Variants in METTL8 observed in about 807,000 individuals in gnomAD.
The protein encoded by METTL8 is methyltransferase 8, tRNA N3-cytidine.
In METTL8, 32 loss-of-function variants were observed where a neutral mutation model predicts 48.7. That is an observed-to-expected ratio of 0.66 (90% CI 0.50 to 0.88). The LOEUF (loss-of-function observed/expected upper bound fraction) is 0.88. METTL8 is among the 40% of genes least tolerant of loss of function. The pLI is 0.00. For missense variants in METTL8, 464 were observed against 474.4 expected (o/e 0.98, Z 0.20); for synonymous variants, 136 against 157.1 (o/e 0.87, Z 1.01).
intron 2 of METTL8, among the ~76,000 whole-genome samples, chr2:171,375,911 G>A (rs1040992124): frequency 6.6e-6 from 1 of 152,116 alleles, no homozygotes; most frequent in Non-Finnish European, 1.5e-5. Flanking sequence ...TTATTTTGCA[G>A]GTAAATTCTC....
intron 3 of METTL8, among the ~76,000 whole-genome samples, chr2:171,341,319 C>A (rs1329864665): frequency 6.9e-6 from 1 of 145,800 alleles, no homozygotes; most frequent in Non-Finnish European, 1.5e-5. Flanking sequence ...TAGAGCAAGA[C>A]TCCGTCTCAA....
At position 171,412,517 on chromosome 2, in the gene METTL8, C is replaced by G. The variant is rs562922652; in HGVS notation, c.-12-20320G>C. On this transcript the variant is annotated intron_variant, in intron 1 of 9. Coordinates refer to ENST00000375258, the MANE Select transcript of METTL8 (RefSeq NM_001321154.2). ...CACGAATTCCTGGGGAACCCTACCC[C>G]CCTTTAGGCAGTCTTCAAAAGGCTA... Among the ~76,000 whole-genome samples, 11 of 152,208 alleles carry G rather than the reference C, an allele frequency of 7.2e-5. No homozygotes were observed. In the East Asian group the frequency reaches 1.9e-3, roughly 27 times the overall value.
chr2:171,426,926 C>T (rs1692478353), intron 1 of METTL8, among the ~76,000 whole-genome samples: 1 of 152,190 alleles, frequency 6.6e-6, no homozygotes, highest in Admixed American at 6.5e-5. Flanking sequence ...TGGTCTGACC[C>T]CTACCTACTT....
At chr2:171,422,418 AC>A (rs1691966508) in intron 1 of METTL8, among the ~76,000 whole-genome samples, 1 of 152,232 alleles carries the variant, frequency 6.6e-6, no homozygotes, top group Admixed American at 6.5e-5. Context: ...TATCTTTATG[AC>A]CTCAAGTTAA....
chr2:171,342,833 T>C (rs1686910648), intron 3 of METTL8, among the ~76,000 whole-genome samples: 1 of 152,116 alleles, frequency 6.6e-6, no homozygotes, highest in Non-Finnish European at 1.5e-5. Flanking sequence ...AATATTCCTC[T>C]AGGAATTAAG....
chr2:171,415,252 T>C (rs1358559593), intron 1 of METTL8, among the ~76,000 whole-genome samples: 2 of 151,942 alleles, frequency 1.3e-5, no homozygotes, highest in African/African-American at 2.4e-5. Context: ...GAAACATGCA[T>C]ATGCATAGGG....
intron 1 of METTL8, among the ~76,000 whole-genome samples, chr2:171,394,230 C>T (rs766405177): frequency 2.0e-5 from 3 of 152,102 alleles, no homozygotes; most frequent in Non-Finnish European, 2.9e-5. Flanking sequence ...CTTTTGTATG[C>T]TGAAGAGTAG....
intron 3 of METTL8, among the ~76,000 whole-genome samples, chr2:171,348,913 T>G (rs1202877239): frequency 1.3e-5 from 2 of 152,152 alleles, no homozygotes; most frequent in East Asian, 3.8e-4. Context: ...TTGGGTAAAG[T>G]GTCTGTGGGT....
chr2:171,320,553 G>A lies in METTL8; in HGVS notation c.*3619C>T, dbSNP rs1464935132. On this transcript the variant is annotated 3_prime_UTR_variant, in exon 10 of 10. Coordinates refer to ENST00000375258, the MANE Select transcript of METTL8 (RefSeq NM_001321154.2). The stretch of plus-strand genomic sequence containing the variant: ...CCACCTTGGGCCATGATTTTTAAAC[G>A]GAGACACAAGGAGATCTGCTGGGGT... The A allele has an allele frequency of 1.3e-5, 2 of 152,128 alleles. No individual in the cohort carries two copies. Among genetic ancestry groups the A allele is most frequent in the South Asian group, 4.1e-4 (2 of 4,828 alleles). 9.4% of individuals were successfully genotyped at this position (152,128 alleles called of 1,614,324 possible).
chr2:171,330,923 TCTTTAA>T (rs1201574399), intron 6 of METTL8, among the ~76,000 whole-genome samples: 2 of 152,122 alleles, frequency 1.3e-5, no homozygotes, highest in African/African-American at 2.4e-5. Flanking sequence ...TCGCAATCCC[TCTTTAA>T]CTTTAAAAGT....
chr2:171,354,307 A>G (rs887956125), intron 3 of METTL8, among the ~76,000 whole-genome samples: 9 of 152,204 alleles, frequency 5.9e-5, no homozygotes, highest in Admixed American at 6.5e-5. Flanking sequence ...TCTGACTTGT[A>G]GAGTTTCTGC....
In METTL8 at chr2:171,429,473, A is replaced by T. The variant is rs567814828; in HGVS notation, c.-13+4410T>A. On this transcript the variant is annotated intron_variant, in intron 1 of 9. Coordinates refer to ENST00000375258, the MANE Select transcript of METTL8 (RefSeq NM_001321154.2). ...GGAAGGTACGCCACAGAGGACATTC[A>T]TGATTAGAGCTTTTTAGGTCCAACT... is the stretch of plus-strand genomic sequence containing the variant. Among the ~76,000 whole-genome samples, 4 of 152,368 alleles carry T rather than the reference A, an allele frequency of 2.6e-5. No homozygotes were observed. The East Asian group carries it at 7.7e-4, about 29-fold the overall frequency.
intron 1 of METTL8, among the ~76,000 whole-genome samples, chr2:171,429,644 A>G (rs975172133): frequency 1.3e-5 from 2 of 152,272 alleles, no homozygotes; most frequent in Non-Finnish European, 2.9e-5. Flanking sequence ...GAAAGAGACA[A>G]GATGAGGAGT....
Position 171,415,154 on chromosome 2 carries a change from A to G in METTL8, c.-13+18729T>C, listed in dbSNP as rs185029526. Among the ~76,000 whole-genome samples the G allele has an allele frequency of 1.4e-4, 21 of 152,156 alleles. No individual in the cohort carries two copies. In the East Asian group the frequency reaches 4.1e-3, roughly 29 times the overall value. ...ACTAACATGGTATGAAAAGATGTCCATGATTTATTAGGTAGAAAAAAAAAG... is the reference window on the plus strand; with the variant it reads ...ACTAACATGGTATGAAAAGATGTCCGTGATTTATTAGGTAGAAAAAAAAAG... On this transcript the variant is annotated intron_variant, in intron 1 of 9. Transcript: ENST00000375258.
chr2:171,410,080 A>C (rs768487708), intron 1 of METTL8, among the ~76,000 whole-genome samples: 2 of 152,228 alleles, frequency 1.3e-5, no homozygotes, highest in Non-Finnish European at 2.9e-5. Flanking sequence ...AGAATAATTG[A>C]GAATATTAAT....
At chr2:171,403,852 T>A (rs1689880805) in intron 1 of METTL8, among the ~76,000 whole-genome samples, 1 of 151,272 alleles carries the variant, frequency 6.6e-6, no homozygotes, top group Admixed American at 6.6e-5. Context: ...CAGATAGGAA[T>A]CTTCATGTAC....
intron 1 of METTL8, among the ~76,000 whole-genome samples, chr2:171,429,082 GT>G (rs1428838843): frequency 1.3e-5 from 2 of 151,856 alleles, no homozygotes; most frequent in African/African-American, 4.8e-5. Context: ...TGAGATTTCT[GT>G]AGGAGAAACC....
At chr2:171,431,658 A>G (rs775158853) in intron 1 of METTL8, among the ~76,000 whole-genome samples, 6 of 152,200 alleles carry the variant, frequency 3.9e-5, no homozygotes, top group Non-Finnish European at 8.8e-5. Flanking sequence ...GGAAGAAGAG[A>G]GTAACACGGT....
At chr2:171,329,547 T>C (rs920038900) in intron 7 of METTL8, among the ~76,000 whole-genome samples, 2 of 152,224 alleles carry the variant, frequency 1.3e-5, no homozygotes, top group African/African-American at 4.8e-5. Flanking sequence ...AAATAGGTTA[T>C]AGAAACTGGG....
Sources: allele counts gnomAD v4.1 joint callset (sites outside exome capture counted in the v4.1 genomes callset), GRCh38; gene constraint gnomAD v4.1.1; transcripts MANE v1.5; gene names NCBI Gene and HGNC (gene_info 2026-07-23, HGNC 2026-07-21).